The following SLC30A8 variants were observed in gnomAD, a reference collection of about 807,000 sequenced individuals.
SLC30A8 encodes the protein proton-coupled zinc antiporter SLC30A8.
In SLC30A8, 27 loss-of-function variants were observed where a neutral mutation model predicts 36.9. The ratio of observed to expected loss-of-function variants is 0.73; its 90% CI spans 0.54 to 1.01. The LOEUF is 1.01. Ranked by LOEUF, SLC30A8 falls within the 50% of genes least tolerant of loss-of-function variation. SLC30A8 has a pLI of 0.00. For synonymous variants in SLC30A8, 164 were observed against 172.4 expected, an observed-to-expected ratio of 0.95 and a Z score of 0.38; for missense variants, 439 against 452.0, an observed-to-expected ratio of 0.97 and a Z score of 0.26.
At chr8:117,009,032 A>G (rs1816263891) in intron 1 of SLC30A8, among the ~76,000 whole-genome samples, 1 of 152,216 alleles carries the variant, frequency 6.6e-6, no homozygotes, top group South Asian at 2.1e-4. Flanking sequence ...ATGTTTGTAA[A>G]GTATCCTGAA....
intron 1 of SLC30A8, among the ~76,000 whole-genome samples, chr8:116,997,994 T>C (rs1187949308): frequency 6.6e-6 from 1 of 152,188 alleles, no homozygotes; most frequent in Admixed American, 6.5e-5. Context: ...TCTGTGTCTG[T>C]GGAGTCTAAA....
chr8:117,091,788 G>A (rs116085832), intron 2 of SLC30A8, among the ~76,000 whole-genome samples: 4,525 of 152,260 alleles, frequency 0.03, 153 homozygotes, highest in African/African-American at 0.086. Flanking sequence ...GTAAGAAAAT[G>A]AAGGTATTTC....
chr8:117,044,438 G>A lies in SLC30A8; in HGVS notation c.-226+5180G>A, dbSNP rs114407025. On this transcript the variant is annotated intron_variant, in intron 2 of 10. Transcript: ENST00000427715. ...GGGCAAATTTATCACCTTTTTAGAC[G>A]CGCCCACCAGTCCCCAGAGGACGCG... Among the ~76,000 whole-genome samples the A allele has an allele frequency of 7.5e-3, 1,145 of 152,176 alleles. 16 individuals are homozygous for A. Among genetic ancestry groups the A allele is most frequent in the African/African-American group, 0.027 (1,105 of 41,512 alleles).
chr8:117,067,772 CCTTT>C (rs1818213296), intron 2 of SLC30A8, among the ~76,000 whole-genome samples: 1 of 152,172 alleles, frequency 6.6e-6, no homozygotes, highest in South Asian at 2.1e-4. Flanking sequence ...TCCTGTTCCT[CCTTT>C]CTTCTATAAC....
chr8:117,107,476 A>T (rs1298737188), intron 2 of SLC30A8, among the ~76,000 whole-genome samples: 1 of 152,164 alleles, frequency 6.6e-6, no homozygotes, highest in African/African-American at 2.4e-5. Context: ...CCAACAACAG[A>T]TTTTCTGTCA....
intron 2 of SLC30A8, among the ~76,000 whole-genome samples, chr8:117,076,059 C>A (rs1479658515): frequency 6.6e-6 from 1 of 152,162 alleles, no homozygotes; most frequent in Non-Finnish European, 1.5e-5. Context: ...TCTTTTCTCT[C>A]TTTCTTTGGT....
At position 117,173,016 on chromosome 8, in the gene SLC30A8, A is replaced by C. The variant is rs1202468110; in HGVS notation, c.*335A>C. On this transcript the variant is annotated 3_prime_UTR_variant, in exon 8 of 8. Coordinates refer to ENST00000456015, the MANE Select transcript of SLC30A8 (RefSeq NM_173851.3). ...TAATGCATCTTGAGAACACATAGGT[A>C]AATTTGAACTCAGGAAAGTCTTACT... is the stretch of plus-strand genomic sequence containing the variant. 1 of 225,406 alleles carries C rather than the reference A, an allele frequency of 4.4e-6. No individual in the cohort carries two copies. Among genetic ancestry groups the C allele is most frequent in the Non-Finnish European group, 8.7e-6 (1 of 115,234 alleles). 14.0% of individuals were successfully genotyped at this position (225,406 alleles called of 1,614,324 possible).
At chr8:117,010,373 C>T (rs1241290172) in intron 1 of SLC30A8, among the ~76,000 whole-genome samples, 8 of 152,250 alleles carry the variant, frequency 5.3e-5, no homozygotes, top group Non-Finnish European at 7.4e-5. Flanking sequence ...GTCATACCCT[C>T]GGGTTAGAAT....
At chr8:117,055,949 A>G (rs1257287112) in intron 2 of SLC30A8, 1 of 152,348 alleles carries the variant, frequency 6.6e-6, no homozygotes, top group Admixed American at 6.5e-5. Flanking sequence ...AACTTTTGCA[A>G]TAATTCCATG....
At chr8:116,956,054 A>T (rs985500491) in intron 1 of SLC30A8, among the ~76,000 whole-genome samples, 4 of 152,222 alleles carry the variant, frequency 2.6e-5, no homozygotes, top group Non-Finnish European at 5.9e-5. Context: ...GTGATCATGA[A>T]TTTATGTTGG....
At chr8:117,059,416 A>G (rs999839732) in intron 2 of SLC30A8, among the ~76,000 whole-genome samples, 2 of 152,222 alleles carry the variant, frequency 1.3e-5, no homozygotes, top group African/African-American at 4.8e-5. Flanking sequence ...ATCCTAGCTT[A>G]AAATGCAGTG....
intron 2 of SLC30A8, among the ~76,000 whole-genome samples, chr8:117,050,209 T>C (rs572436658): frequency 6.6e-6 from 1 of 152,104 alleles, no homozygotes; most frequent in Non-Finnish European, 1.5e-5. Context: ...CTCTGCTTGA[T>C]CACGTCTAGT....
intron 6 of SLC30A8, among the ~76,000 whole-genome samples, chr8:117,169,820 C>T (rs1327783869): frequency 5.3e-5 from 8 of 152,098 alleles, no homozygotes; most frequent in Non-Finnish European, 8.8e-5. Flanking sequence ...ATCGCAAAGA[C>T]AGCACCAAGC....
chr8:117,087,712 T>C (rs996174620), intron 2 of SLC30A8, among the ~76,000 whole-genome samples: 1 of 152,332 alleles, frequency 6.6e-6, no homozygotes. Flanking sequence ...TACTTTTCTC[T>C]GGCTCAGTGT....
chr8:117,103,806 G>C (rs1451114358), intron 2 of SLC30A8, among the ~76,000 whole-genome samples: 1 of 152,118 alleles, frequency 6.6e-6, no homozygotes, highest in African/African-American at 2.4e-5. Flanking sequence ...TGCTCTATCA[G>C]CCTGTTTCCT....
intron 2 of SLC30A8, among the ~76,000 whole-genome samples, chr8:117,127,818 C>T (rs1820970645): frequency 6.6e-6 from 1 of 151,922 alleles, no homozygotes; most frequent in South Asian, 2.1e-4. Flanking sequence ...TTTTTCCTTC[C>T]TCCGTCTTTA....
intron 2 of SLC30A8, among the ~76,000 whole-genome samples, chr8:117,108,569 A>G (rs1820094065): frequency 6.6e-6 from 1 of 152,180 alleles, no homozygotes; most frequent in African/African-American, 2.4e-5. Context: ...CGATCCTAAA[A>G]AAAGATGAGA....
At chr8:117,082,157 A>T (rs185572869) in intron 2 of SLC30A8, among the ~76,000 whole-genome samples, 117 of 152,356 alleles carry the variant, frequency 7.7e-4, no homozygotes, top group Non-Finnish European at 1.2e-3. Context: ...CAATAGTCTC[A>T]GTCAATTATT....
chr8:117,143,661 A>AT (rs1196017199), intron 1 of SLC30A8, among the ~76,000 whole-genome samples: 8 of 56,148 alleles, frequency 1.4e-4, no homozygotes, highest in Non-Finnish European at 3.0e-4. Flanking sequence ...TGCCTCTCCC[A>AT]TAAAACACAC....
Sources: allele counts gnomAD v4.1 joint callset (sites outside exome capture counted in the v4.1 genomes callset), GRCh38; gene constraint gnomAD v4.1.1; transcripts MANE v1.5; gene names NCBI Gene and HGNC (gene_info 2026-07-23, HGNC 2026-07-21).